The following CALN1 variants were observed in gnomAD, a reference collection of about 807,000 sequenced individuals.
The protein encoded by CALN1 is calcium-binding protein 8.
A neutral mutation model predicts 30.6 loss-of-function variants in CALN1; 17 were observed. The ratio of observed to expected loss-of-function variants is 0.56; its 90% CI spans 0.38 to 0.83. The LOEUF (loss-of-function observed/expected upper bound fraction) is 0.83. CALN1 is among the 40% of genes least tolerant of loss of function. The pLI is 0.00. For missense variants in CALN1, 291 were observed against 354.9 expected (o/e 0.82, Z 1.45); for synonymous variants, 156 against 131.4 (o/e 1.19, Z -1.28).
chr7:71,953,916 G>A (rs995410869), intron 5 of CALN1, among the ~76,000 whole-genome samples: 1 of 152,106 alleles, frequency 6.6e-6, no homozygotes, highest in South Asian at 2.1e-4. Context: ...GGCAAGGTGG[G>A]GTTGGTGGTT....
intron 3 of CALN1, among the ~76,000 whole-genome samples, chr7:72,189,891 C>T (rs1280291690): frequency 2.6e-5 from 4 of 151,874 alleles, no homozygotes; most frequent in Admixed American, 2.6e-4. Context: ...GCATAGGATA[C>T]AATACTTTGA....
intron 3 of CALN1, among the ~76,000 whole-genome samples, chr7:72,190,752 G>C (rs566221417): frequency 6.6e-6 from 1 of 152,188 alleles, no homozygotes; most frequent in African/African-American, 2.4e-5. Context: ...CCTCCTGGGA[G>C]AGGTTAGCAT....
At chr7:72,483,740 C>T in the CALN1 span, among the ~76,000 whole-genome samples, 5 of 151,962 alleles carry the variant, frequency 3.3e-5, no homozygotes, top group Non-Finnish European at 5.9e-5. Context: ...CACATTTATT[C>T]GGTTGCTTGA....
chr7:72,261,200 C>T (rs1315236003), intron 3 of CALN1, among the ~76,000 whole-genome samples: 3 of 152,150 alleles, frequency 2.0e-5, no homozygotes, highest in Middle Eastern at 3.4e-3. Context: ...CTCAGCTACT[C>T]GGGAGGCTGA....
chr7:72,094,782 T>C (rs937881359), intron 4 of CALN1, among the ~76,000 whole-genome samples: 1 of 152,158 alleles, frequency 6.6e-6, no homozygotes, highest in African/African-American at 2.4e-5. Flanking sequence ...GTCTGAAGAA[T>C]TCTCCCTTCA....
intron 2 of CALN1, among the ~76,000 whole-genome samples, chr7:72,371,924 C>CAT (rs1445779055): frequency 6.6e-6 from 1 of 152,118 alleles, no homozygotes; most frequent in African/African-American, 2.4e-5. Context: ...GAACTCTGAA[C>CAT]ATATACACTA....
At chr7:72,009,234 A>C (rs7805722) in intron 5 of CALN1, among the ~76,000 whole-genome samples, 2,924 of 152,312 alleles carry the variant, frequency 0.019, 71 homozygotes, top group African/African-American at 0.066. Flanking sequence ...AATTAATTTC[A>C]TCATGCTAGG....
chr7:72,392,079 C>T (rs916642341), intron 2 of CALN1, among the ~76,000 whole-genome samples: 3 of 152,182 alleles, frequency 2.0e-5, no homozygotes, highest in South Asian at 2.1e-4. Flanking sequence ...GAGATGCTCC[C>T]TTTTAGGATG....
chr7:72,339,402 A>G (rs988987373), intron 2 of CALN1, among the ~76,000 whole-genome samples: 4 of 152,118 alleles, frequency 2.6e-5, no homozygotes, highest in African/African-American at 9.7e-5. Flanking sequence ...TACCACTCTT[A>G]AGGACTTGCT....
At position 72,057,721 on chromosome 7, in the gene CALN1, GA is replaced by G. The variant is rs71531782; in HGVS notation, c.389-33953del. ...ATAATGAGTGTAGAAGACTTATTGG[GA>G]AAAAAAAACCTCTTCATAATAAAAT... On this transcript the variant is annotated intron_variant, in intron 4 of 6. Transcript: ENST00000395275. Among the ~76,000 whole-genome samples, 211 of 150,372 alleles carry G rather than the reference GA, an allele frequency of 1.4e-3. 1 individual carries two copies. Among genetic ancestry groups the G allele is most frequent in the Non-Finnish European group, 2.2e-3 (151 of 67,536 alleles).
intron 6 of CALN1, among the ~76,000 whole-genome samples, chr7:71,789,720 C>T (rs953629609): frequency 3.9e-5 from 6 of 152,146 alleles, no homozygotes; most frequent in African/African-American, 1.4e-4. Flanking sequence ...CTTGCACTTT[C>T]ATTTTTATAA....
intron 5 of CALN1, among the ~76,000 whole-genome samples, chr7:71,846,414 C>T (rs962361456): frequency 3.9e-4 from 60 of 152,066 alleles, no homozygotes; most frequent in African/African-American, 1.3e-3. Flanking sequence ...GAAAGGAGCC[C>T]GCAGTTTTCT....
intron 5 of CALN1, among the ~76,000 whole-genome samples, chr7:71,872,345 C>G (rs1362997448): frequency 6.6e-6 from 1 of 152,150 alleles, no homozygotes; most frequent in African/African-American, 2.4e-5. Context: ...TGTTTTCATT[C>G]TAAACATTTT....
At position 72,058,739 on chromosome 7, in the gene CALN1, T is replaced by C. The variant is rs182960878; in HGVS notation, c.389-34970A>G. ...AACTGAAATAGTGGAGAAGAATAAC[T>C]TCACAAAGCTCTCTATGAAAAATAC... On this transcript the variant is annotated intron_variant, in intron 4 of 6. Coordinates refer to ENST00000395275, the MANE Select transcript of CALN1 (RefSeq NM_031468.4). 1.7e-3 allele frequency among the ~76,000 whole-genome samples: 262 copies of C among 152,252 alleles called. 1 individual carries two copies. Among genetic ancestry groups the C allele is most frequent in the African/African-American group, 5.8e-3 (242 of 41,554 alleles).
intron 5 of CALN1, among the ~76,000 whole-genome samples, chr7:71,963,687 A>G (rs1238760156): frequency 6.6e-6 from 1 of 152,008 alleles, no homozygotes; most frequent in African/African-American, 2.4e-5. Context: ...CCCCTTGGTC[A>G]CCACTTTATA....
At chr7:72,282,383 C>G (rs979069308) in intron 2 of CALN1, among the ~76,000 whole-genome samples, 1 of 152,182 alleles carries the variant, frequency 6.6e-6, no homozygotes, top group African/African-American at 2.4e-5. Flanking sequence ...GTGATATGGT[C>G]TGAATGAATG....
intron 5 of CALN1, among the ~76,000 whole-genome samples, chr7:72,014,503 G>C (rs1187064823): frequency 1.3e-5 from 2 of 152,210 alleles, no homozygotes; most frequent in East Asian, 3.9e-4. Flanking sequence ...TAAGATTTCC[G>C]GTGAGGTCGA....
chr7:71,971,945 A>AGAAAG (rs1562946492), intron 5 of CALN1, among the ~76,000 whole-genome samples: 1,699 of 106,726 alleles, frequency 0.016, 72 homozygotes, highest in African/African-American at 0.067. Flanking sequence ...AAAAAAAAAA[A>AGAAAG]AAAAAAAAAA....
the CALN1 span, among the ~76,000 whole-genome samples, chr7:72,492,914 C>T: frequency 6.6e-6 from 1 of 152,180 alleles, no homozygotes; most frequent in African/African-American, 2.4e-5. Context: ...AACACATTTG[C>T]AGAGACTAAA....
Sources: gnomAD v4.1 joint callset for allele counts (sites outside exome capture counted in the v4.1 genomes callset) on GRCh38, gnomAD v4.1.1 for gene constraint, MANE v1.5 for transcripts, NCBI Gene and HGNC (gene_info 2026-07-23, HGNC 2026-07-21) for gene names.